Variants in DMD observed in about 807,000 individuals in gnomAD.
DMD encodes the protein mutant dystrophin.
In DMD, 63 loss-of-function variants were observed where a neutral mutation model predicts 330.1. That is an observed-to-expected ratio of 0.19 (90% CI 0.16 to 0.24). DMD has a LOEUF of 0.24. Among genes scored for constraint, DMD ranks in the 10% least tolerant of loss-of-function variants. The pLI, the probability that DMD is intolerant of heterozygous loss-of-function variation, is 1.00. For synonymous variants in DMD, 1,223 were observed against 959.8 expected, an observed-to-expected ratio of 1.27 and a Z score of -5.07; for missense variants, 3,344 against 2,684.1, an observed-to-expected ratio of 1.25 and a Z score of -5.43.
chrX:33,106,777 T>C (rs2095291493), intron 1 of DMD, among the ~76,000 whole-genome samples: 1 of 111,928 alleles, frequency 8.9e-6, no homozygotes, highest in Admixed American at 9.6e-5. Flanking sequence ...CTGTTGTGGC[T>C]GACAGGCATT....
intron 1 of DMD, among the ~76,000 whole-genome samples, chrX:33,320,032 A>G (rs941698409): frequency 1.8e-5 from 2 of 111,878 alleles, no homozygotes; most frequent in Non-Finnish European, 3.8e-5. Context: ...AATTACATAT[A>G]TGGCAGCATC....
At chrX:33,273,186 C>A (rs1301431946) in intron 1 of DMD, among the ~76,000 whole-genome samples, 2 of 112,029 alleles carry the variant, frequency 1.8e-5, no homozygotes, top group African/African-American at 6.5e-5. Context: ...AACAGTGACC[C>A]TGTTGTAACA....
chrX:32,286,507 C>T (rs746215110), intron 43 of DMD, among the ~76,000 whole-genome samples: 1 of 111,095 alleles, frequency 9.0e-6, no homozygotes, highest in Non-Finnish European at 1.9e-5. Context: ...AGGGCAGGCA[C>T]GAAGAAATAA....
At chrX:31,321,895 G>A (rs1007127457) in intron 62 of DMD, among the ~76,000 whole-genome samples, 4 of 110,896 alleles carry the variant, frequency 3.6e-5, no homozygotes, top group Admixed American at 1.9e-4. Context: ...TTTTTTGGAC[G>A]GAGTTCATTT....
intron 1 of DMD, among the ~76,000 whole-genome samples, chrX:33,063,475 T>G (rs923652063): frequency 5.4e-5 from 6 of 111,687 alleles, no homozygotes; most frequent in Admixed American, 4.8e-4. Flanking sequence ...AATTATAATT[T>G]TTCCTAGAAT....
intron 4 of DMD, among the ~76,000 whole-genome samples, chrX:32,839,361 T>G (rs150456483): frequency 6.3e-5 from 7 of 111,983 alleles, no homozygotes; most frequent in Non-Finnish European, 1.1e-4. Context: ...CAAAAGGTCT[T>G]CTCAGACCTC....
intron 50 of DMD, among the ~76,000 whole-genome samples, chrX:31,786,168 T>C (rs764066402): frequency 1.8e-5 from 2 of 112,179 alleles, no homozygotes; most frequent in East Asian, 5.6e-4. Flanking sequence ...TGGTATCTCA[T>C]TGCGGTTTTG....
chrX:33,237,917 A>G (rs905918959), intron 1 of DMD, among the ~76,000 whole-genome samples: 1 of 112,286 alleles, frequency 8.9e-6, no homozygotes, highest in Non-Finnish European at 1.9e-5. Context: ...TATCTATAAT[A>G]AGCCTACAGA....
chrX:31,474,261 T>TA (rs747016695), intron 59 of DMD, among the ~76,000 whole-genome samples: 14 of 111,955 alleles, frequency 1.3e-4, no homozygotes, highest in Non-Finnish European at 1.9e-4. Context: ...CCACATTTGC[T>TA]AATACAATTA....
At position 32,663,059 on chromosome X, in the gene DMD, A is replaced by C. The variant is rs897209593; in HGVS notation, c.961-17907T>G. 1.5e-4 allele frequency among the ~76,000 whole-genome samples: 17 copies of C among 111,701 alleles called. No homozygotes were observed. In the Admixed American group the frequency reaches 1.6e-3, roughly 11 times the overall value. ...TACATTTGTTGCCAATATATTGACT[A>C]TTTTTCAATGTGAAGACAAAAACTG... On this transcript the variant is annotated intron_variant, in intron 9 of 78. Coordinates refer to ENST00000357033, the MANE Select transcript of DMD (RefSeq NM_004006.3).
intron 66 of DMD, among the ~76,000 whole-genome samples, 181 bp downstream of exon 66, chrX:31,206,401 C>T (rs2044069376): frequency 8.9e-6 from 1 of 112,291 alleles, no homozygotes; most frequent in African/African-American, 3.2e-5. Flanking sequence ...TACTTAAATG[C>T]CTGCAATTTA....
chrX:32,872,081 A>G (rs2083042268), intron 2 of DMD, among the ~76,000 whole-genome samples: 1 of 111,355 alleles, frequency 9.0e-6, no homozygotes, highest in Non-Finnish European at 1.9e-5. Context: ...TGACATGGGG[A>G]TAGAGACCAA....
At chrX:31,488,947 T>A (rs2069034460) in intron 57 of DMD, among the ~76,000 whole-genome samples, 1 of 111,887 alleles carries the variant, frequency 8.9e-6, no homozygotes, top group Non-Finnish European at 1.9e-5. Context: ...GACCATTCAT[T>A]ATCTGGCCTT....
chrX:33,259,247 C>T lies in DMD; in HGVS notation c.7+80012G>A, dbSNP rs145562648. On this transcript the variant is annotated intron_variant, in intron 1 of 17. Coordinates refer to the DMD transcript ENST00000288447. ...GTTTCTCATATACCATCTAGCCCTA[C>T]GAACATACAGCTTCCCCCACCATCA... Among the ~76,000 whole-genome samples the T allele has an allele frequency of 2.9e-3, 321 of 110,067 alleles. 3 individuals are homozygous for T. The highest frequency in any genetic ancestry group is 9.9e-3 in the African/African-American group (302 of 30,357).
At chrX:31,782,147 A>G (rs191407182) in intron 50 of DMD, among the ~76,000 whole-genome samples, 2 of 111,627 alleles carry the variant, frequency 1.8e-5, no homozygotes, top group African/African-American at 6.5e-5. Flanking sequence ...AGTGACAAAA[A>G]TGACAACATC....
chrX:33,016,636 G>GA (rs1160180209), intron 2 of DMD, among the ~76,000 whole-genome samples: 1 of 111,342 alleles, frequency 9.0e-6, no homozygotes, highest in Non-Finnish European at 1.9e-5. Flanking sequence ...TACTATGTTG[G>GA]AAAAAAATCA....
chrX:32,587,846 A>G (rs775002413), intron 13 of DMD, among the ~76,000 whole-genome samples: 1 of 111,789 alleles, frequency 8.9e-6, no homozygotes, highest in East Asian at 2.8e-4. Flanking sequence ...TATTTCAGTG[A>G]TTTTTAAATG....
At chrX:31,529,318 G>A (rs1340988617) in intron 55 of DMD, among the ~76,000 whole-genome samples, 1 of 110,816 alleles carries the variant, frequency 9.0e-6, no homozygotes, top group African/African-American at 3.3e-5. Context: ...TCAGGAGTTT[G>A]AGGCTGCAGT....
chrX:32,746,589 A>G (rs1359124920), intron 7 of DMD, among the ~76,000 whole-genome samples: 2 of 111,923 alleles, frequency 1.8e-5, no homozygotes, highest in African/African-American at 6.5e-5. Context: ...ACACATAATT[A>G]TGCATATTTA....
Sources: allele counts gnomAD v4.1 joint callset (sites outside exome capture counted in the v4.1 genomes callset), GRCh38; gene constraint gnomAD v4.1.1; transcripts MANE v1.5; gene names NCBI Gene and HGNC (gene_info 2026-07-23, HGNC 2026-07-21).